Variants in USP6NL observed in about 807,000 individuals in gnomAD.
The protein encoded by USP6NL is USP6 N-terminal-like protein.
In USP6NL, 26 loss-of-function variants were observed where a neutral mutation model predicts 61.9. The observed-to-expected ratio is 0.42, with a 90% CI of 0.31 to 0.58. The LOEUF (loss-of-function observed/expected upper bound fraction) is 0.58, where lower values mean the gene tolerates loss of function less well. Among genes scored for constraint, USP6NL ranks in the 20% least tolerant of loss-of-function variants. USP6NL has a pLI of 0.16. For synonymous variants in USP6NL, 432 were observed against 390.1 expected, an observed-to-expected ratio of 1.11 and a Z score of -1.27; for missense variants, 1,114 against 1,034.3, an observed-to-expected ratio of 1.08 and a Z score of -1.06.
At chr10:11,503,361 C>T (rs1354143105) in intron 6 of USP6NL, among the ~76,000 whole-genome samples, 1 of 152,060 alleles carries the variant, frequency 6.6e-6, no homozygotes, top group Non-Finnish European at 1.5e-5. Context: ...CAATTCTGTA[C>T]TCAATAATTG....
At chr10:11,473,922 AGAAG>A (rs1788392189) in intron 14 of USP6NL, among the ~76,000 whole-genome samples, 1 of 152,190 alleles carries the variant, frequency 6.6e-6, no homozygotes, top group African/African-American at 2.4e-5. Context: ...GACCCTGAGG[AGAAG>A]GAAGAATGAG....
chr10:11,605,453 T>G (rs1037810499), intron 1 of USP6NL, among the ~76,000 whole-genome samples: 2 of 152,130 alleles, frequency 1.3e-5, no homozygotes, highest in Non-Finnish European at 2.9e-5. Flanking sequence ...CTATAATGAC[T>G]GCTAGAAACA....
chr10:11,462,875 A>C lies in USP6NL; in HGVS notation c.2053T>G (p.Tyr685Asp). 3 of 1,613,770 alleles carry C rather than the reference A, an allele frequency of 1.9e-6. No homozygotes were observed. Among genetic ancestry groups the C allele is most frequent in the Non-Finnish European group, 8.5e-7 (1 of 1,179,842 alleles). The change falls in exon 15 of 15, where the codon TAC becomes GAC. Residue 685 changes from tyrosine to aspartate, a missense_variant. By Grantham distance (160) the Tyr-to-Asp change is radical. Transcript: ENST00000609104. ...AGTACAAGGGGGCTTGGGCGGCTGT[A>C]AGATTTCTCCGGAGAAGCACTGACG... ...LSVSASPEKS[Y>D]SRPSPLVLPS...
In USP6NL at chr10:11,496,470, C is replaced by T. The variant is rs1218175767; in HGVS notation, c.385-3242G>A. Among the ~76,000 whole-genome samples, 1 of 152,184 alleles carries T rather than the reference C, an allele frequency of 6.6e-6. No individual in the cohort carries two copies. Among genetic ancestry groups the T allele is most frequent in the Non-Finnish European group, 1.5e-5 (1 of 68,030 alleles). On this transcript the variant is annotated intron_variant, in intron 7 of 14. Coordinates refer to ENST00000609104, the MANE Select transcript of USP6NL (RefSeq NM_014688.5). The surrounding 1 kb of genome is among the most constrained non-coding windows in gnomAD (Gnocchi z 5.4). ...AAACTGGTAGCTGTTAAGCATCTCC[C>T]ATTTTCTTATTTCTGTGGGTTTGCC...
At chr10:11,473,774 T>C (rs1832855965) in intron 14 of USP6NL, among the ~76,000 whole-genome samples, 3 of 152,132 alleles carry the variant, frequency 2.0e-5, no homozygotes, top group Non-Finnish European at 4.4e-5. Flanking sequence ...TGAAAACTAT[T>C]CAAAATTAAA....
At chr10:11,593,568 A>G (rs1838225829) in intron 2 of USP6NL, among the ~76,000 whole-genome samples, 2 of 152,240 alleles carry the variant, frequency 1.3e-5, no homozygotes, top group African/African-American at 4.8e-5. Flanking sequence ...CAATTTATGT[A>G]CTAAAAATCA....
intron 14 of USP6NL, among the ~76,000 whole-genome samples, chr10:11,472,663 T>C (rs1047796113): frequency 6.6e-6 from 1 of 152,234 alleles, no homozygotes; most frequent in Non-Finnish European, 1.5e-5. Flanking sequence ...AAAAATCAAA[T>C]GACTTTATAT....
rs1832680336 is a variant in USP6NL, at chr10:11,470,269, T to C, written c.1079-6420A>G. On this transcript the variant is annotated intron_variant, in intron 14 of 14. Transcript: ENST00000609104. The surrounding 1 kb of genome is among the most constrained non-coding windows in gnomAD (Gnocchi z 5.4). ...ATGGAGGCAGCCGCAGGGAACCTCA[T>C]GGAGGGCCCGCGGGGACTCGCTGGC... 6.6e-6 allele frequency among the ~76,000 whole-genome samples: 1 copy of C among 152,084 alleles called. No homozygotes were observed. Among genetic ancestry groups the C allele is most frequent in the Non-Finnish European group, 1.5e-5 (1 of 68,012 alleles).
At chr10:11,531,470 G>T (rs1458271290) in intron 2 of USP6NL, among the ~76,000 whole-genome samples, 1 of 151,850 alleles carries the variant, frequency 6.6e-6, no homozygotes, top group Non-Finnish European at 1.5e-5. Flanking sequence ...CTACAGGTGT[G>T]AGCCACCCGC....
chr10:11,604,146 G>A (rs1461320717), intron 1 of USP6NL, among the ~76,000 whole-genome samples: 4 of 152,120 alleles, frequency 2.6e-5, no homozygotes, highest in Non-Finnish European at 4.4e-5. Context: ...GCATAAAAGA[G>A]TGTGCTGGTA....
intron 2 of USP6NL, among the ~76,000 whole-genome samples, chr10:11,559,461 G>A (rs968370666): frequency 6.6e-6 from 1 of 152,006 alleles, no homozygotes; most frequent in East Asian, 1.9e-4. Flanking sequence ...GGGCATCCAC[G>A]CACACTAGTA....
chr10:11,527,594 G>A, intron 2 of USP6NL, 27 bp from the exon 3 acceptor site: 5 of 1,585,400 alleles, frequency 3.2e-6, no homozygotes, highest in Non-Finnish European at 4.3e-6. Flanking sequence ...AAATTTAGAT[G>A]AATTGTCATT....
intron 2 of USP6NL, among the ~76,000 whole-genome samples, chr10:11,593,085 C>G (rs1838206338): frequency 6.6e-6 from 1 of 152,182 alleles, no homozygotes; most frequent in African/African-American, 2.4e-5. Flanking sequence ...AGGGCAGAAT[C>G]AAACACTCCA....
In USP6NL at chr10:11,518,599, T is replaced by C. The variant is rs758626213; in HGVS notation, c.156-25A>G. 9 of 1,589,912 alleles carry C rather than the reference T, an allele frequency of 5.7e-6. No individual in the cohort carries two copies. In the Admixed American group the frequency reaches 1.1e-4, roughly 19 times the overall value. ...ACTGCAGAGGAAAAACAGTATTATA[T>C]GAAATTGTTGAAATCAAAACAAACT... On this transcript the variant is annotated intron_variant, in intron 4 of 14. Transcript: ENST00000609104. This position sits in a 1 kb window ranked among gnomAD's most constrained non-coding sequence, Gnocchi z 5.3.
In USP6NL at chr10:11,518,658, C is replaced by T. The variant is rs1056123333; in HGVS notation, c.156-84G>A. 2.0e-6 allele frequency: 2 copies of T among 1,001,590 alleles called. No homozygotes were observed. The highest frequency in any genetic ancestry group is 3.1e-6 in the Non-Finnish European group (2 of 654,988). 62.0% of individuals were successfully genotyped at this position (1,001,590 alleles called of 1,614,324 possible). On this transcript the variant is annotated intron_variant, in intron 4 of 14. Coordinates refer to ENST00000609104, the MANE Select transcript of USP6NL (RefSeq NM_014688.5). This position sits in a 1 kb window ranked among gnomAD's most constrained non-coding sequence, Gnocchi z 5.3. ...CTTATATACTTATAGATACATATGA[C>T]ATACAATATTTATTTGTCATCACAA...
chr10:11,504,465 CA>C (rs1834351090), intron 6 of USP6NL, among the ~76,000 whole-genome samples: 1 of 152,168 alleles, frequency 6.6e-6, no homozygotes, highest in South Asian at 2.1e-4. Context: ...AAACAAGATA[CA>C]GAAGAAAAGT....
intron 2 of USP6NL, among the ~76,000 whole-genome samples, chr10:11,541,886 A>AT (rs1555169660): frequency 6.6e-6 from 1 of 152,156 alleles, no homozygotes; most frequent in Admixed American, 6.5e-5. Context: ...TTAGAAAAAA[A>AT]TTTTTTTTAA....
intron 2 of USP6NL, among the ~76,000 whole-genome samples, chr10:11,529,642 G>A (rs541796180): frequency 1.3e-5 from 2 of 152,292 alleles, no homozygotes; most frequent in South Asian, 4.1e-4. Flanking sequence ...CAGATGAGTT[G>A]TTCAGATTTT....
intron 6 of USP6NL, among the ~76,000 whole-genome samples, chr10:11,504,944 C>A (rs1834372382): frequency 6.6e-6 from 1 of 152,152 alleles, no homozygotes; most frequent in East Asian, 1.9e-4. Context: ...GTGAGAGAAG[C>A]TATCAGGGAG....
Sources: gnomAD v4.1 joint callset for allele counts (sites outside exome capture counted in the v4.1 genomes callset) on GRCh38, gnomAD v4.1.1 for gene constraint, Gnocchi (gnomAD v3.1) non-coding constraint, MANE v1.5 for transcripts, NCBI Gene and HGNC (gene_info 2026-07-23, HGNC 2026-07-21) for gene names.